Variants in HSPA12B observed in about 807,000 individuals in gnomAD.
HSPA12B encodes heat shock protein family A (Hsp70) member 12B.
Under a neutral mutation model 69.3 loss-of-function variants are expected in HSPA12B, and 54 were observed. The ratio of observed to expected loss-of-function variants is 0.78; its 90% CI spans 0.63 to 0.98. HSPA12B has a LOEUF of 0.98. HSPA12B is among the 50% of genes least tolerant of loss of function. The pLI, the probability that HSPA12B is intolerant of heterozygous loss-of-function variation, is 0.00. For missense variants in HSPA12B, 929 were observed against 999.8 expected, an observed-to-expected ratio of 0.93 and a Z score of 0.96; for synonymous variants, 441 against 436.5, an observed-to-expected ratio of 1.01 and a Z score of -0.13.
chr20:3,748,013 A>C (rs1047472724), intron 7 of HSPA12B, among the ~76,000 whole-genome samples: 1 of 152,246 alleles, frequency 6.6e-6, no homozygotes, highest in African/African-American at 2.4e-5. Flanking sequence ...GGCCAGGGCC[A>C]TTCCCTCCCC....
intron 11 of HSPA12B, 46 bp downstream of exon 11, chr20:3,750,273 A>T: frequency 1.3e-6 from 2 of 1,533,044 alleles, no homozygotes; most frequent in Non-Finnish European, 1.8e-6. Context: ...CCGACCCGGG[A>T]ATGACCGTGC....
chr20:3,745,937 C>G lies in HSPA12B; in HGVS notation c.581C>G (p.Ser194Trp). 1 of 1,614,034 alleles carries G rather than the reference C, an allele frequency of 6.2e-7. No individual in the cohort carries two copies. The highest frequency in any genetic ancestry group is 8.5e-7 in the Non-Finnish European group (1 of 1,179,984). Residue 194 changes from serine to tryptophan, a missense_variant, in exon 7 of 13, where the codon TCG (serine) becomes TGG (tryptophan). By Grantham distance (177) the Ser-to-Trp change is radical. Transcript: ENST00000254963. The surrounding 1 kb of genome is among the most constrained non-coding windows in gnomAD (Gnocchi z 5.6). Reference sequence around the variant, plus strand: ...CAGGAGCTGAGGGAGCAGAGCCCATCGCTGCCAGAGAAGGACACTGTGCGC... The same window carrying G: ...CAGGAGCTGAGGGAGCAGAGCCCATGGCTGCCAGAGAAGGACACTGTGCGC... ...ALQELREQSP[S>W]LPEKDTVRWV... is the part of the protein sequence containing the mutation.
chr20:3,735,322 C>A (rs999191442), intron 1 of HSPA12B, among the ~76,000 whole-genome samples: 4 of 152,196 alleles, frequency 2.6e-5, no homozygotes, highest in African/African-American at 4.8e-5. Context: ...TAGGCTCTTG[C>A]CATCCCTGAA....
chr20:3,748,300 G>A lies in HSPA12B; in HGVS notation c.759G>A (p.Leu253=), dbSNP rs1420240566. 1 of 1,611,928 alleles carries A rather than the reference G, an allele frequency of 6.2e-7. No homozygotes were observed. The highest frequency in any genetic ancestry group is 1.7e-5 in the Admixed American group (1 of 59,854). The change falls in exon 8 of 13, where the codon CTG becomes CTA. Residue 253 remains leucine, a synonymous_variant. Coordinates refer to ENST00000254963, the MANE Select transcript of HSPA12B (RefSeq NM_052970.5). Reference sequence around the variant, plus strand: ...CCGCCTCGGTATACTGCCGCAAGCTGCGCCTGCACCAGCTCCTGGACCTGA... The same window carrying A: ...CCGCCTCGGTATACTGCCGCAAGCTACGCCTGCACCAGCTCCTGGACCTGA... ...PEAASVYCRK[L]RLHQLLDLSG... is the part of the protein sequence containing the mutation.
intron 7 of HSPA12B, among the ~76,000 whole-genome samples, chr20:3,746,828 G>C (rs1426886347): frequency 6.6e-6 from 1 of 152,156 alleles, no homozygotes; most frequent in African/African-American, 2.4e-5. Context: ...ACTGGTTCTG[G>C]GGAAATGGGA....
Position 3,745,433 on chromosome 20 carries a change from T to G in HSPA12B, c.454-60T>G, listed in dbSNP as rs952641649. 2 of 1,190,880 alleles carry G rather than the reference T, an allele frequency of 1.7e-6. No homozygotes were observed. The highest frequency in any genetic ancestry group is 2.5e-6 in the Non-Finnish European group (2 of 795,574). 73.8% of individuals were successfully genotyped at this position (1,190,880 alleles called of 1,614,324 possible). Reference sequence around the variant, plus strand: ...AAACGGGGTGATTTTAAGAGCGAGGTCGTCAGGAAATGAGTGCCAAGCTGA... The same window carrying G: ...AAACGGGGTGATTTTAAGAGCGAGGGCGTCAGGAAATGAGTGCCAAGCTGA... On this transcript the variant is annotated intron_variant, in intron 5 of 12. Coordinates refer to ENST00000254963, the MANE Select transcript of HSPA12B (RefSeq NM_052970.5). The surrounding 1 kb of genome is among the most constrained non-coding windows in gnomAD (Gnocchi z 5.6).
Position 3,740,090 on chromosome 20 carries a change from C to T in HSPA12B, c.44-725C>T, listed in dbSNP as rs910049367. Reference sequence around the variant, plus strand: ...ACCAAAGGTCCAGCTCAGTCCCAGGCGTGCAAGAGGGTCTTGATGGGGCGT... The same window carrying T: ...ACCAAAGGTCCAGCTCAGTCCCAGGTGTGCAAGAGGGTCTTGATGGGGCGT... On this transcript the variant is annotated intron_variant, in intron 2 of 12. Transcript: ENST00000254963. This position sits in a 1 kb window ranked among gnomAD's most constrained non-coding sequence, Gnocchi z 4.9. Among the ~76,000 whole-genome samples the T allele has an allele frequency of 1.8e-4, 27 of 152,026 alleles. No homozygotes were observed. The highest frequency in any genetic ancestry group is 5.8e-4 in the East Asian group (3 of 5,160).
chr20:3,746,010 C>G lies in HSPA12B; in HGVS notation c.654C>G (p.Phe218Leu). The change falls in exon 7 of 13, where the codon TTC becomes TTG. Residue 218 changes from phenylalanine to leucine, a missense_variant. By Grantham distance (22) the Phe-to-Leu change is conservative (BLOSUM62 0). This residue lies in a region of HSPA12B where 477 missense variants were observed against 535.2 expected (regional missense o/e 0.89). Coordinates refer to ENST00000254963, the MANE Select transcript of HSPA12B (RefSeq NM_052970.5). ...TCTGGAAACAGCCAGCCAAGCAGTT[C>G]ATGCGGGAGGCTGCCTACCTGGTGA... ...PAIWKQPAKQFMREAAYLAGL... is the reference protein window; with the variant it reads ...PAIWKQPAKQLMREAAYLAGL... 6.2e-7 allele frequency: 1 copy of G among 1,613,858 alleles called. No individual in the cohort carries two copies. Among genetic ancestry groups the G allele is most frequent in the Non-Finnish European group, 8.5e-7 (1 of 1,179,856 alleles).
chr20:3,734,693 C>G (rs1342180091), intron 1 of HSPA12B, among the ~76,000 whole-genome samples: 1 of 151,920 alleles, frequency 6.6e-6, no homozygotes, highest in African/African-American at 2.4e-5. Context: ...CTTGGCTTAC[C>G]TCCACCTCTC....
At chr20:3,742,606 C>T (rs2088221820) in intron 4 of HSPA12B, among the ~76,000 whole-genome samples, 198 bp downstream of exon 4, 1 of 152,162 alleles carries the variant, frequency 6.6e-6, no homozygotes, top group South Asian at 2.1e-4. Context: ...CAGCTCCCAA[C>T]CCTCTGTAGG....
intron 3 of HSPA12B, among the ~76,000 whole-genome samples, chr20:3,741,526 G>C (rs1161179807): frequency 6.6e-6 from 1 of 152,132 alleles, no homozygotes; most frequent in African/African-American, 2.4e-5. Context: ...CCAGCTACTC[G>C]GGAGGCTGAG....
In HSPA12B at chr20:3,745,822, C is replaced by T. The variant is rs767877544; in HGVS notation, c.559-93C>T. On this transcript the variant is annotated intron_variant, in intron 6 of 12. Coordinates refer to ENST00000254963, the MANE Select transcript of HSPA12B (RefSeq NM_052970.5). The surrounding 1 kb of genome is among the most constrained non-coding windows in gnomAD (Gnocchi z 5.6). Reference sequence around the variant, plus strand: ...TTCCAGCTCTGCTGGGAAGTCCTTCCTGTGATTTGATTAGTACCTCCAGTT... The same window carrying T: ...TTCCAGCTCTGCTGGGAAGTCCTTCTTGTGATTTGATTAGTACCTCCAGTT... 136 of 1,192,302 alleles carry T rather than the reference C, an allele frequency of 1.1e-4. No homozygotes were observed. The highest frequency in any genetic ancestry group is 1.6e-4 in the Non-Finnish European group (130 of 796,916). The allele number at this position is 1,192,302 out of a possible 1,614,324, so 73.9% of individuals were successfully genotyped here. A position where few individuals can be genotyped will look rare whatever the true frequency, so the allele number is the denominator to read the frequency against.
chr20:3,750,855 A>G lies in HSPA12B; in HGVS notation c.1353A>G (p.Glu451=). The part of the protein sequence containing the change: ...SSQGMLRMSC[E]AMNELFQPTV... ...AGGGGATGCTCCGAATGTCTTGTGA[A>G]GCCATGAACGAGCTCTTTCAGCCCA... Residue 451 remains glutamate, a synonymous_variant, in exon 12 of 13, where the codon GAA becomes GAG. Coordinates refer to ENST00000254963, the MANE Select transcript of HSPA12B (RefSeq NM_052970.5). 1 of 1,614,006 alleles carries G rather than the reference A, an allele frequency of 6.2e-7. No individual in the cohort carries two copies. Among genetic ancestry groups the G allele is most frequent in the Non-Finnish European group, 8.5e-7 (1 of 1,180,042 alleles).
intron 4 of HSPA12B, among the ~76,000 whole-genome samples, chr20:3,743,168 G>A (rs1413284698): frequency 3.0e-4 from 11 of 36,832 alleles, no homozygotes; most frequent in African/African-American, 1.6e-3. Context: ...TTACAGATGT[G>A]AGCCACCAAC....
At chr20:3,733,890 C>T (rs1239482924) in intron 1 of HSPA12B, among the ~76,000 whole-genome samples, 1 of 152,228 alleles carries the variant, frequency 6.6e-6, no homozygotes, top group Non-Finnish European at 1.5e-5. Flanking sequence ...TCTTTGTCTA[C>T]ACAGGCATCG....
chr20:3,747,671 TC>T (rs2088330409), intron 7 of HSPA12B, among the ~76,000 whole-genome samples: 1 of 152,192 alleles, frequency 6.6e-6, no homozygotes, highest in African/African-American at 2.4e-5. Context: ...AATTTCAGCT[TC>T]CTCCCTGCTG....
In HSPA12B at chr20:3,751,328, C is replaced by T. The variant is rs953274703; in HGVS notation, c.1406-183C>T. On this transcript the variant is annotated intron_variant, in intron 12 of 12. Transcript: ENST00000254963. ...GAGCGTGAGTGTTGGGGAGGCGAAG[C>T]CCTCGAGGACTCCCGTGAGCTCTCA... 12 of 985,342 alleles carry T rather than the reference C, an allele frequency of 1.2e-5. No individual in the cohort carries two copies. The African/African-American group carries it at 1.6e-4, about 13-fold the overall frequency. 61.0% of individuals were successfully genotyped at this position (985,342 alleles called of 1,614,324 possible). A position where few individuals can be genotyped will look rare whatever the true frequency, so the allele number is the denominator to read the frequency against.
chr20:3,747,772 A>G (rs918614591), intron 7 of HSPA12B, among the ~76,000 whole-genome samples: 1 of 152,168 alleles, frequency 6.6e-6, no homozygotes, highest in Non-Finnish European at 1.5e-5. Flanking sequence ...AGAGGGTTCA[A>G]TGAGCTAAAA....
chr20:3,739,872 C>G (rs2088169146), intron 2 of HSPA12B, among the ~76,000 whole-genome samples: 1 of 152,196 alleles, frequency 6.6e-6, no homozygotes, highest in Non-Finnish European at 1.5e-5. Flanking sequence ...CCAGATCTCA[C>G]TCTCCCTCCC....
Sources: gnomAD v4.1 joint callset for allele counts (sites outside exome capture counted in the v4.1 genomes callset) on GRCh38, gnomAD v4.1.1 for gene constraint, gnomAD v4.1.1 regional missense constraint, Gnocchi (gnomAD v3.1) non-coding constraint, MANE v1.5 for transcripts, NCBI Gene and HGNC (gene_info 2026-07-23, HGNC 2026-07-21) for gene names.